The following LARGE1 variants were observed in gnomAD, a reference collection of about 807,000 sequenced individuals.
The protein encoded by LARGE1 is xylosyl- and glucuronyltransferase LARGE1.
In LARGE1, 43 loss-of-function variants were observed where a neutral mutation model predicts 87.6. The observed-to-expected ratio is 0.49, with a 90% CI of 0.38 to 0.63. The LOEUF is 0.63. LARGE1 is among the 30% of genes least tolerant of loss of function. The pLI is 0.00. For missense variants in LARGE1, 802 were observed against 1,000.2 expected (o/e 0.80, Z 2.67); for synonymous variants, 434 against 394.6 (o/e 1.10, Z -1.18).
At chr22:33,088,069 A>AAAC in the LARGE1 span, among the ~76,000 whole-genome samples, 20 of 134,050 alleles carry the variant, frequency 1.5e-4, no homozygotes, top group African/African-American at 3.9e-4. Flanking sequence ...CACACACACA[A>AAAC]ACACACACAC....
chr22:33,789,874 G>A (rs984829840), intron 1 of LARGE1, among the ~76,000 whole-genome samples: 1 of 152,186 alleles, frequency 6.6e-6, no homozygotes, highest in African/African-American at 2.4e-5. Context: ...CTTATAGGTG[G>A]AAGAGACTAG....
chr22:33,141,236 C>T, the LARGE1 span, among the ~76,000 whole-genome samples: 2 of 151,334 alleles, frequency 1.3e-5, no homozygotes. Context: ...CTTTGAAATT[C>T]ACATAATCTA....
At chr22:33,528,779 G>A (rs766566773) in intron 6 of LARGE1, among the ~76,000 whole-genome samples, 1 of 152,152 alleles carries the variant, frequency 6.6e-6, no homozygotes, top group Non-Finnish European at 1.5e-5. Context: ...AACCCATCAC[G>A]GCCGACAACT....
At chr22:33,833,172 AT>A (rs2146347590) in intron 1 of LARGE1, among the ~76,000 whole-genome samples, 2 of 152,348 alleles carry the variant, frequency 1.3e-5, no homozygotes, top group Admixed American at 1.3e-4. Context: ...TATCTCCTCA[AT>A]TAGATTTGAA....
the LARGE1 span, among the ~76,000 whole-genome samples, chr22:33,134,474 A>AT: frequency 1.3e-5 from 2 of 152,090 alleles, no homozygotes; most frequent in African/African-American, 4.8e-5. Flanking sequence ...AGCTAGGATG[A>AT]TATCAATCTC....
At chr22:33,460,520 A>G (rs2068331929) in intron 6 of LARGE1, among the ~76,000 whole-genome samples, 2 of 152,220 alleles carry the variant, frequency 1.3e-5, no homozygotes, top group African/African-American at 4.8e-5. Context: ...ACATACATGC[A>G]TTTATCTGTG....
the LARGE1 span, among the ~76,000 whole-genome samples, chr22:33,143,690 T>C: frequency 6.6e-6 from 1 of 152,154 alleles, no homozygotes; most frequent in Non-Finnish European, 1.5e-5. Flanking sequence ...ACCTTGCCAA[T>C]TGGATATTGC....
intron 1 of LARGE1, among the ~76,000 whole-genome samples, chr22:33,839,067 G>T (rs1276751412): frequency 5.3e-5 from 8 of 152,156 alleles, no homozygotes; most frequent in African/African-American, 1.9e-4. Context: ...TTTTTGCATC[G>T]CTAGAAAGAA....
chr22:33,173,385 C>A (rs1922684462), intron 11 of LARGE1, among the ~76,000 whole-genome samples: 1 of 152,138 alleles, frequency 6.6e-6, no homozygotes, highest in African/African-American at 2.4e-5. Flanking sequence ...ACGGTACCAG[C>A]CACTGCAAAA....
chr22:33,182,040 TCGAAC>T (rs1923199280), intron 11 of LARGE1, among the ~76,000 whole-genome samples: 1 of 152,066 alleles, frequency 6.6e-6, no homozygotes, highest in Non-Finnish European at 1.5e-5. Context: ...CAGGCTGGTC[TCGAAC>T]TCCTGACCTC....
At chr22:33,747,571 G>A (rs1388266492) in intron 2 of LARGE1, 1 of 152,376 alleles carries the variant, frequency 6.6e-6, no homozygotes, top group Non-Finnish European at 1.5e-5. Context: ...CCATTGCCCT[G>A]GCACTATCAT....
intron 7 of LARGE1, among the ~76,000 whole-genome samples, chr22:33,416,954 T>G (rs2147517763): frequency 7.0e-6 from 1 of 141,862 alleles, no homozygotes; most frequent in African/African-American, 2.7e-5. Flanking sequence ...GTCACCAGGC[T>G]GGAGTGCAGT....
chr22:33,197,258 T>C (rs558593907), intron 11 of LARGE1, among the ~76,000 whole-genome samples: 2 of 152,198 alleles, frequency 1.3e-5, no homozygotes, highest in East Asian at 3.9e-4. Flanking sequence ...TTATAACTTG[T>C]ATTCGATTTT....
chr22:33,631,082 T>C (rs1367301610), intron 3 of LARGE1, among the ~76,000 whole-genome samples: 1 of 152,144 alleles, frequency 6.6e-6, no homozygotes, highest in Admixed American at 6.5e-5. Flanking sequence ...CTCAATCTCC[T>C]GACCTCGTGA....
chr22:33,277,278 A>T, intron 13 of LARGE1, 23 bp from the exon 14 acceptor site: 1 of 1,612,328 alleles, frequency 6.2e-7, no homozygotes, highest in Non-Finnish European at 8.5e-7. Flanking sequence ...GAGAAAAGCC[A>T]TTGGGTGTAG....
intron 4 of LARGE1, among the ~76,000 whole-genome samples, chr22:33,614,799 A>G (rs2079536530): frequency 6.6e-6 from 1 of 152,094 alleles, no homozygotes; most frequent in African/African-American, 2.4e-5. Context: ...TGAGACTGTC[A>G]GCTGTGGAGG....
intron 1 of LARGE1, among the ~76,000 whole-genome samples, chr22:33,909,494 A>G (rs1004878007): frequency 1.3e-5 from 2 of 150,652 alleles, no homozygotes; most frequent in Non-Finnish European, 3.0e-5. Context: ...CAAAGCCCAC[A>G]GCCCCTAACT....
At position 33,662,695 on chromosome 22, in the gene LARGE1, G is replaced by A. The variant is rs537550968; in HGVS notation, c.107-12027C>T. Among the ~76,000 whole-genome samples, 28 of 152,146 alleles carry A rather than the reference G, an allele frequency of 1.8e-4. No homozygotes were observed. The East Asian group carries it at 5.0e-3, about 27-fold the overall frequency. On this transcript the variant is annotated intron_variant, in intron 2 of 14. Transcript: ENST00000397394. The stretch of plus-strand genomic sequence containing the variant: ...AGCAGTGGCAACATAGCCATCCAAC[G>A]GCATGAGTAGCTGCCATCCAGAATA...
chr22:33,790,556 G>A (rs1160803205), intron 1 of LARGE1, among the ~76,000 whole-genome samples: 1 of 152,094 alleles, frequency 6.6e-6, no homozygotes, highest in Non-Finnish European at 1.5e-5. Flanking sequence ...TTTGTTAAGT[G>A]AATAAAAGAA....
Sources: gnomAD v4.1 joint callset for allele counts (sites outside exome capture counted in the v4.1 genomes callset) on GRCh38, gnomAD v4.1.1 for gene constraint, MANE v1.5 for transcripts, NCBI Gene and HGNC (gene_info 2026-07-23, HGNC 2026-07-21) for gene names.